The following LGALS4 variants were observed in gnomAD, a reference collection of about 807,000 sequenced individuals.
LGALS4 encodes galectin-4.
Under a neutral mutation model 39.6 loss-of-function variants are expected in LGALS4, and 37 were observed. The observed-to-expected ratio is 0.93, with a 90% confidence interval of 0.72 to 1.23. LGALS4 has a LOEUF of 1.23. LGALS4 is among the 50% of genes most tolerant of loss of function. LGALS4 has a pLI of 0.00. For missense variants in LGALS4, 397 were observed against 433.2 expected, an observed-to-expected ratio of 0.92 and a Z score of 0.74; for synonymous variants, 160 against 165.5, an observed-to-expected ratio of 0.97 and a Z score of 0.25.
chr19:38,804,342 C>T (rs1391464538), intron 4 of LGALS4, among the ~76,000 whole-genome samples: 1 of 152,018 alleles, frequency 6.6e-6, no homozygotes, highest in African/African-American at 2.4e-5. Flanking sequence ...TGCAGTGGCA[C>T]GATCTCTGCT....
At chr19:38,811,884 A>G (rs1971497492) in intron 2 of LGALS4, among the ~76,000 whole-genome samples, 1 of 152,038 alleles carries the variant, frequency 6.6e-6, no homozygotes, top group Non-Finnish European at 1.5e-5. Context: ...GTGCTGGCAC[A>G]TGCCTGTAAT....
Position 38,801,872 on chromosome 19 carries a change from G to A in LGALS4, c.864C>T (p.Tyr288=), listed in dbSNP as rs756910152. The A allele has an allele frequency of 3.2e-5, 52 of 1,614,084 alleles. No individual in the cohort carries two copies. Among genetic ancestry groups the A allele is most frequent in the Non-Finnish European group, 4.2e-5 (50 of 1,180,036 alleles). The part of the protein sequence containing the change: ...IRCGLDRFKV[Y]ANGQHLFDFA... Reference sequence around the variant, plus strand: ...AGTCAAAGAGGTGCTGGCCATTGGCGTAAACCTTGAAGCGATCCAAGCCAC... The same window carrying A: ...AGTCAAAGAGGTGCTGGCCATTGGCATAAACCTTGAAGCGATCCAAGCCAC... The change falls in exon 10 of 10, where the codon TAC becomes TAT. Residue 288 remains tyrosine (Y), a synonymous_variant. Coordinates refer to ENST00000307751, the MANE Select transcript of LGALS4 (RefSeq NM_006149.4).
chr19:38,810,352 G>A (rs1234216795), intron 2 of LGALS4, among the ~76,000 whole-genome samples: 13 of 125,598 alleles, frequency 1.0e-4, no homozygotes, highest in Admixed American at 2.5e-4. Flanking sequence ...ATGAGATTTC[G>A]CCTTTTTTTT....
Position 38,808,768 on chromosome 19 carries a change from G to C in LGALS4, c.315C>G (p.Phe105Leu), listed in dbSNP as rs773918774. 169 of 1,614,044 alleles carry C rather than the reference G, an allele frequency of 1.0e-4. 1 individual carries two copies. The highest frequency in any genetic ancestry group is 3.3e-4 in the South Asian group (30 of 91,088). ...FKKGAAFELVFIVLAEHYKVV... is the reference protein window; with the variant it reads ...FKKGAAFELVLIVLAEHYKVV... ...CCTTGTAGTGCTCAGCCAGGACTATGAAGACCAGCTCAAAGGCGGCACCCT... is the reference window on the plus strand; with the variant it reads ...CCTTGTAGTGCTCAGCCAGGACTATCAAGACCAGCTCAAAGGCGGCACCCT... Residue 105 changes from phenylalanine to leucine, a missense_variant, in exon 3 of 10, where the codon TTC becomes TTG. Physicochemically the swap from Phe to Leu is conservative, Grantham distance 22. Transcript: ENST00000307751.
intron 4 of LGALS4, among the ~76,000 whole-genome samples, chr19:38,804,564 C>T (rs1278137969): frequency 6.6e-6 from 1 of 152,200 alleles, no homozygotes; most frequent in Non-Finnish European, 1.5e-5. Flanking sequence ...AACTTTTACT[C>T]TCTCTCTTTC....
intron 3 of LGALS4, among the ~76,000 whole-genome samples, chr19:38,808,079 C>A (rs947743690): frequency 2.0e-5 from 3 of 151,790 alleles, no homozygotes; most frequent in Non-Finnish European, 2.9e-5. Flanking sequence ...GACCCTGCCA[C>A]ATCCCCCTCT....
At chr19:38,807,981 T>C (rs527395289) in intron 3 of LGALS4, among the ~76,000 whole-genome samples, 47 of 152,250 alleles carry the variant, frequency 3.1e-4, no homozygotes, top group African/African-American at 8.4e-4. Flanking sequence ...ACAAACACTG[T>C]GGAAGGCCGC....
chr19:38,812,478 C>T lies in LGALS4; in HGVS notation c.87G>A (p.Val29=). 6.2e-7 allele frequency: 1 copy of T among 1,614,212 alleles called. No individual in the cohort carries two copies. The highest frequency in any genetic ancestry group is 1.7e-5 in the Admixed American group (1 of 60,016). Residue 29 remains valine (V), a synonymous_variant, in exon 2 of 10, where the codon GTG becomes GTA. Coordinates refer to ENST00000307751, the MANE Select transcript of LGALS4 (RefSeq NM_006149.4). Reference sequence around the variant, plus strand: ...CTCCTTGGATGTAAACAGACATTCCCACGTTGAGCCCGCCCGGGATGGGCT... The same window carrying T: ...CTCCTTGGATGTAAACAGACATTCCTACGTTGAGCCCGCCCGGGATGGGCT... ...YYQPIPGGLN[V]GMSVYIQGVA...
At chr19:38,804,525 C>A (rs574977130) in intron 4 of LGALS4, among the ~76,000 whole-genome samples, 9 of 152,242 alleles carry the variant, frequency 5.9e-5, no homozygotes, top group African/African-American at 1.9e-4. Context: ...GTGATCCGCT[C>A]GCCTCACCCT....
rs772467839 is a variant in LGALS4, at chr19:38,812,494, G to A, written c.71C>T (p.Pro24Leu). The change falls in exon 2 of 10, where the codon CCG (proline) becomes CTG (leucine). Residue 24 changes from proline (P) to leucine (L), a missense_variant. Physicochemically the swap from Pro to Leu is moderately conservative, Grantham distance 98. Coordinates refer to ENST00000307751, the MANE Select transcript of LGALS4 (RefSeq NM_006149.4). ...AGACATTCCCACGTTGAGCCCGCCC[G>A]GGATGGGCTGGTAGTAAGGCAGCGT... ...NPTLPYYQPI[P>L]GGLNVGMSVY... 1.2e-5 allele frequency: 20 copies of A among 1,614,078 alleles called. No individual in the cohort carries two copies. The highest frequency in any genetic ancestry group is 6.7e-5 in the Admixed American group (4 of 60,000).
chr19:38,806,378 GA>G lies in LGALS4; in HGVS notation c.474+82del, dbSNP rs1310325217. The G allele has an allele frequency of 3.7e-6, 5 of 1,356,448 alleles. No homozygotes were observed. In the East Asian group the frequency reaches 9.6e-5, roughly 26 times the overall value. 84.0% of individuals were successfully genotyped at this position (1,356,448 alleles called of 1,614,324 possible). ...GTGAGACTCCGTCTCAAAAAAAAAA[GA>G]AAAAAAGAAAAAAAGAAAAAAAATG... On this transcript the variant is annotated intron_variant, in intron 4 of 9. Transcript: ENST00000307751.
chr19:38,808,119 T>A (rs1010288883), intron 3 of LGALS4, among the ~76,000 whole-genome samples: 7 of 142,604 alleles, frequency 4.9e-5, no homozygotes, highest in African/African-American at 5.2e-5. Flanking sequence ...GATCAATAAA[T>A]AAAAATAAAT....
intron 3 of LGALS4, among the ~76,000 whole-genome samples, chr19:38,807,229 G>A (rs555682801): frequency 1.2e-4 from 19 of 152,192 alleles, no homozygotes; most frequent in African/African-American, 2.2e-4. Context: ...TTAGCCGGGC[G>A]TGGTGGTGTG....
chr19:38,802,754 T>C (rs1971372698), intron 7 of LGALS4, among the ~76,000 whole-genome samples: 2 of 152,090 alleles, frequency 1.3e-5, no homozygotes, highest in African/African-American at 4.8e-5. Context: ...CTCAGCTCAC[T>C]GCAACCTCTG....
At chr19:38,804,953 C>T (rs1248379807) in intron 4 of LGALS4, among the ~76,000 whole-genome samples, 2 of 152,002 alleles carry the variant, frequency 1.3e-5, no homozygotes, top group East Asian at 3.9e-4. Flanking sequence ...GTCAGGAGTT[C>T]AAGACCAGCC....
rs766002965 is a variant in LGALS4 at position 38,802,029 on chromosome 19, ATCT to A, written c.785_787del (p.Lys262del). ...TCCGGGACCAAATGGGTTGTGGGTG[ATCT>A]TCTTCTCCTCGGATCCCCACGAGCC... On this transcript the variant is annotated inframe_deletion, in exon 9 of 10. Transcript: ENST00000307751. 11 of 1,614,092 alleles carry A rather than the reference ATCT, an allele frequency of 6.8e-6. No individual in the cohort carries two copies. Among genetic ancestry groups the A allele is most frequent in the African/African-American group, 2.7e-5 (2 of 74,934 alleles).
chr19:38,809,644 C>CTTTTTTTTT (rs66473176), intron 2 of LGALS4, among the ~76,000 whole-genome samples: 1 of 74,516 alleles, frequency 1.3e-5, no homozygotes. Flanking sequence ...CTATGCCTGG[C>CTTTTTTTTT]TTTTTTTTTT....
chr19:38,802,192 G>A (rs1971365231), intron 8 of LGALS4, 35 bp from the exon 9 acceptor site: 1 of 1,610,444 alleles, frequency 6.2e-7, no homozygotes, highest in Admixed American at 1.7e-5. Context: ...GTCAGATGGA[G>A]TCCAGTGGGA....
intron 4 of LGALS4, among the ~76,000 whole-genome samples, chr19:38,806,187 G>T (rs909184287): frequency 3.3e-5 from 5 of 151,924 alleles, no homozygotes; most frequent in African/African-American, 1.2e-4. Flanking sequence ...CTAACACAGT[G>T]AAACCCTGTC....
Sources: allele counts gnomAD v4.1 joint callset (sites outside exome capture counted in the v4.1 genomes callset), GRCh38; gene constraint gnomAD v4.1.1; transcripts MANE v1.5; gene names NCBI Gene and HGNC (gene_info 2026-07-23, HGNC 2026-07-21).